Variants in PTDSS2 observed in about 807,000 individuals in gnomAD.
The protein encoded by PTDSS2 is PSS-2.
A neutral mutation model predicts 64.7 loss-of-function variants in PTDSS2; 41 were observed. The observed-to-expected ratio is 0.63, with a 90% CI of 0.49 to 0.82. PTDSS2 has a LOEUF of 0.82. Among genes scored for constraint, PTDSS2 ranks in the 40% least tolerant of loss-of-function variants. The pLI is 0.00. For missense variants in PTDSS2, 485 were observed against 650.0 expected, an observed-to-expected ratio of 0.75 and a Z score of 2.76; for synonymous variants, 297 against 277.8, an observed-to-expected ratio of 1.07 and a Z score of -0.69.
At chr11:471,543 C>T (rs144482475) in intron 2 of PTDSS2, among the ~76,000 whole-genome samples, 96 of 152,316 alleles carry the variant, frequency 6.3e-4, no homozygotes, top group Non-Finnish European at 9.4e-4. Flanking sequence ...CAGGGAGCAC[C>T]GGCCTGGGGT....
At chr11:485,960 G>A (rs1415552332) in intron 4 of PTDSS2, among the ~76,000 whole-genome samples, 1 of 120,764 alleles carries the variant, frequency 8.3e-6, no homozygotes, top group Non-Finnish European at 1.7e-5. Flanking sequence ...ACAGTGCACG[G>A]GCGCGCGTGT....
intron 1 of PTDSS2, among the ~76,000 whole-genome samples, chr11:453,964 C>T (rs926545283): frequency 2.6e-5 from 4 of 152,216 alleles, no homozygotes; most frequent in Admixed American, 2.0e-4. Flanking sequence ...GGACATACAC[C>T]GTCCTGCAGA....
rs767780427 is a variant in PTDSS2, at chr11:488,511, G to A, written c.736-18G>A. On this transcript the variant is annotated intron_variant, in intron 7 of 11. Transcript: ENST00000308020. ...GTTACCCCTCACCCCTGCAACGAGT[G>A]CTGGCCCCTCCCTGCAGTGGATCAT... 1 of 1,605,536 alleles carries A rather than the reference G, an allele frequency of 6.2e-7. No individual in the cohort carries two copies. Among genetic ancestry groups the A allele is most frequent in the Non-Finnish European group, 8.5e-7 (1 of 1,172,910 alleles).
chr11:451,765 C>G (rs1846340929), intron 1 of PTDSS2, among the ~76,000 whole-genome samples: 1 of 152,180 alleles, frequency 6.6e-6, no homozygotes, highest in Non-Finnish European at 1.5e-5. Context: ...AGCCGAAGCT[C>G]TGGAGAGAGA....
At chr11:453,065 C>T (rs1181899437) in intron 1 of PTDSS2, among the ~76,000 whole-genome samples, 6 of 152,078 alleles carry the variant, frequency 3.9e-5, no homozygotes, top group East Asian at 1.9e-4. Context: ...TGCACTTCCT[C>T]GGGCCAGTGA....
At chr11:472,598 G>A (rs1427991485) in intron 2 of PTDSS2, among the ~76,000 whole-genome samples, 2 of 152,180 alleles carry the variant, frequency 1.3e-5, no homozygotes, top group Non-Finnish European at 1.5e-5. Flanking sequence ...TGTCCCGGCT[G>A]CACCAGGGGC....
chr11:455,597 C>CTG (rs1314707258), intron 1 of PTDSS2, among the ~76,000 whole-genome samples: 5 of 152,230 alleles, frequency 3.3e-5, no homozygotes, highest in African/African-American at 1.2e-4. Flanking sequence ...CATGTGCACC[C>CTG]TTTGGAGAGG....
At chr11:456,170 C>CTT (rs71022912) in intron 1 of PTDSS2, among the ~76,000 whole-genome samples, 3,852 of 114,824 alleles carry the variant, frequency 0.034, 270 homozygotes, top group African/African-American at 0.099. Context: ...TTCTTTCATT[C>CTT]TTTTTTTTTT....
rs993872351 is a variant in PTDSS2 at position 479,288 on chromosome 11, C to T, written c.435+136C>T. 43 of 801,814 alleles carry T rather than the reference C, an allele frequency of 5.4e-5. No homozygotes were observed. Among genetic ancestry groups the T allele is most frequent in the Non-Finnish European group, 2.4e-5 (11 of 455,362 alleles). The allele number at this position is 801,814 out of a possible 1,614,324, so 49.7% of individuals were successfully genotyped here. On this transcript the variant is annotated intron_variant, in intron 4 of 11. Transcript: ENST00000308020. The surrounding 1 kb of genome is among the most constrained non-coding windows in gnomAD (Gnocchi z 4.2). Reference sequence around the variant, plus strand: ...AGGGCTAGACCCCCACAAAGTAGGCCGAGCTGCGGGGGGTCTCCAGGAGCA... The same window carrying T: ...AGGGCTAGACCCCCACAAAGTAGGCTGAGCTGCGGGGGGTCTCCAGGAGCA...
At chr11:458,213 T>C (rs1030635970) in intron 1 of PTDSS2, among the ~76,000 whole-genome samples, 2 of 151,846 alleles carry the variant, frequency 1.3e-5, no homozygotes, top group African/African-American at 4.8e-5. Flanking sequence ...TTTTTTTCTT[T>C]TTTTTTTTTG....
chr11:488,250 G>A lies in PTDSS2; in HGVS notation c.673G>A (p.Glu225Lys), dbSNP rs1366179301. 6.8e-6 allele frequency: 11 copies of A among 1,613,598 alleles called. No individual in the cohort carries two copies. The highest frequency in any genetic ancestry group is 8.5e-6 in the Non-Finnish European group (10 of 1,179,954). Residue 225 changes from glutamate to lysine, a missense_variant, in exon 7 of 12, where the codon GAG (glutamate) becomes AAG (lysine). This residue lies in a region of PTDSS2 where 251 missense variants were observed against 348.0 expected (regional missense o/e 0.72). Transcript: ENST00000308020. ...GTGCATGATCATCAGCGTGATGTTC[G>A]AGTTCCTGGAGTACAGCCTGGAGCA... ...WMCMIISVMF[E>K]FLEYSLEHQL... is the part of the protein sequence containing the mutation.
At chr11:471,802 G>T (rs1847459516) in intron 2 of PTDSS2, among the ~76,000 whole-genome samples, 1 of 141,286 alleles carries the variant, frequency 7.1e-6, no homozygotes, top group Admixed American at 7.1e-5. Flanking sequence ...GTGGCCTGGG[G>T]TGACGTGGAT....
intron 2 of PTDSS2, among the ~76,000 whole-genome samples, chr11:465,643 T>C (rs1283728526): frequency 6.6e-6 from 1 of 152,208 alleles, no homozygotes; most frequent in Non-Finnish European, 1.5e-5. Flanking sequence ...TAAAATTGTC[T>C]GCTGGGTGTG....
rs905984707 is a variant in PTDSS2, at chr11:476,373, G to C, written c.367+2396G>C. On this transcript the variant is annotated intron_variant, in intron 3 of 11. Coordinates refer to ENST00000308020, the MANE Select transcript of PTDSS2 (RefSeq NM_030783.3). The surrounding 1 kb of genome is among the most constrained non-coding windows in gnomAD (Gnocchi z 4.9). ...CGTCACACAGTGAAAGGCCTGGCGC[G>C]GTGATGGTGAGAAACTTCCCGGCAC... Among the ~76,000 whole-genome samples the C allele has an allele frequency of 6.6e-6, 1 of 152,098 alleles. No individual in the cohort carries two copies. Among genetic ancestry groups the C allele is most frequent in the Non-Finnish European group, 1.5e-5 (1 of 68,020 alleles).
chr11:475,308 TATTCACGCGTTTGTGTGATACGGAC>T (rs1564980121), intron 3 of PTDSS2, among the ~76,000 whole-genome samples: 2 of 151,038 alleles, frequency 1.3e-5, no homozygotes, highest in Non-Finnish European at 2.9e-5. Context: ...GATACGGCCA[TATTCACGCGTTTGTGTGATACGGAC>T]ATTCACGCGT....
rs114414319 is a variant in PTDSS2 at position 475,588 on chromosome 11, T to C, written c.367+1611T>C. Reference sequence around the variant, plus strand: ...ATTCACGCGTTTGTGTGTACAGACATATTCACAGCCTCGAAAGAGTGGAAT... The same window carrying C: ...ATTCACGCGTTTGTGTGTACAGACACATTCACAGCCTCGAAAGAGTGGAAT... On this transcript the variant is annotated intron_variant, in intron 3 of 11. Transcript: ENST00000308020. 5.7e-3 allele frequency among the ~76,000 whole-genome samples: 866 copies of C among 152,312 alleles called. 6 individuals carry two copies. Among genetic ancestry groups the C allele is most frequent in the African/African-American group, 0.02 (834 of 41,562 alleles).
In PTDSS2 at chr11:472,249, C is replaced by A. The variant is rs145356225; in HGVS notation, c.285-1646C>A. On this transcript the variant is annotated intron_variant, in intron 2 of 11. Transcript: ENST00000308020. ...CTGTCTTTCCACTGAATGTTATGAC[C>A]CTCCCCACGCCCCTTGGAGGCACAG... Among the ~76,000 whole-genome samples the A allele has an allele frequency of 2.6e-3, 397 of 152,294 alleles. 1 individual carries two copies. Among genetic ancestry groups the A allele is most frequent in the Middle Eastern group, 0.01 (3 of 294 alleles).
rs138935600 is a variant in PTDSS2, at chr11:483,782, C to T, written c.436-3157C>T. 1.8e-3 allele frequency among the ~76,000 whole-genome samples: 273 copies of T among 152,208 alleles called. 1 individual carries two copies. The highest frequency in any genetic ancestry group is 6.1e-3 in the African/African-American group (255 of 41,496). ...CTGTCCTTTAATTTTCCTGGAATGTCTTGTTCTGGCTTTGGCACCAGGGTT... is the reference window on the plus strand; with the variant it reads ...CTGTCCTTTAATTTTCCTGGAATGTTTTGTTCTGGCTTTGGCACCAGGGTT... On this transcript the variant is annotated intron_variant, in intron 4 of 11. Transcript: ENST00000308020.
Position 462,140 on chromosome 11 carries a change from G to A in PTDSS2, c.284+1852G>A, listed in dbSNP as rs1031447052. On this transcript the variant is annotated intron_variant, in intron 2 of 11. Coordinates refer to ENST00000308020, the MANE Select transcript of PTDSS2 (RefSeq NM_030783.3). The surrounding 1 kb of genome is among the most constrained non-coding windows in gnomAD (Gnocchi z 4.5). ...AGCATTCACCAGGCCCCCACCAGGC[G>A]CATCACAAAGCCTCACCACCCCAAG... Among the ~76,000 whole-genome samples the A allele has an allele frequency of 3.3e-5, 5 of 152,088 alleles. No homozygotes were observed. The highest frequency in any genetic ancestry group is 1.2e-4 in the African/African-American group (5 of 41,418).
Sources: allele counts gnomAD v4.1 joint callset (sites outside exome capture counted in the v4.1 genomes callset), GRCh38; gene constraint gnomAD v4.1.1; regional missense constraint gnomAD v4.1.1; non-coding constraint Gnocchi (gnomAD v3.1); transcripts MANE v1.5; gene names NCBI Gene and HGNC (gene_info 2026-07-23, HGNC 2026-07-21).